Variants in ACOX2 observed in about 807,000 individuals in gnomAD.
ACOX2 encodes peroxisomal acyl-coenzyme A oxidase 2.
ACOX2 carries 59 observed loss-of-function variants against 77.5 expected under a neutral mutation model. The observed-to-expected ratio is 0.76, with a 90% CI of 0.62 to 0.95. The LOEUF (loss-of-function observed/expected upper bound fraction) is 0.95, where lower values mean the gene tolerates loss of function less well. ACOX2 is among the 40% of genes least tolerant of loss of function. The pLI is 0.00. For missense variants in ACOX2, 837 were observed against 880.4 expected (o/e 0.95, Z 0.62); for synonymous variants, 317 against 340.1 (o/e 0.93, Z 0.75).
chr3:58,510,768 C>A (rs1379798692), intron 13 of ACOX2, among the ~76,000 whole-genome samples: 2 of 130,968 alleles, frequency 1.5e-5, no homozygotes, highest in Non-Finnish European at 3.1e-5. Context: ...CTTTGTCATA[C>A]CTGTTTAGCA....
rs761214877 is a variant in ACOX2, at chr3:58,534,410, A to G, written c.273T>C (p.Ala91=). The G allele has an allele frequency of 1.9e-6, 3 of 1,614,128 alleles. No individual in the cohort carries two copies. In the South Asian group the frequency reaches 3.3e-5, roughly 18 times the overall value. ...MRRAFHIRLI[A]RRLGWLEDGR... ...CATCTTCTAACCAACCCAGGCGCCGAGCTATCAACCGGATGTGGAATGCCC... is the reference window on the plus strand; with the variant it reads ...CATCTTCTAACCAACCCAGGCGCCGGGCTATCAACCGGATGTGGAATGCCC... The change falls in exon 3 of 15, where the codon GCT becomes GCC. Residue 91 remains alanine, a synonymous_variant. Transcript: ENST00000302819. The surrounding 1 kb of genome is among the most constrained non-coding windows in gnomAD (Gnocchi z 4.8).
rs1011229604 is a variant in ACOX2, at chr3:58,524,338, C to T, written c.1526+88G>A. The T allele has an allele frequency of 1.0e-5, 15 of 1,506,474 alleles. No homozygotes were observed. Among genetic ancestry groups the T allele is most frequent in the Middle Eastern group, 2.3e-4 (1 of 4,340 alleles). 93.3% of individuals were successfully genotyped at this position (1,506,474 alleles called of 1,614,324 possible). A position where few individuals can be genotyped will look rare whatever the true frequency, so the allele number is the denominator to read the frequency against. ...GGGGTGGTTTTTAGAACTGAATCCACGAATGTCCACCCAACCAATCCAAAG... is the reference window on the plus strand; with the variant it reads ...GGGGTGGTTTTTAGAACTGAATCCATGAATGTCCACCCAACCAATCCAAAG... On this transcript the variant is annotated intron_variant, in intron 11 of 14. Coordinates refer to ENST00000302819, the MANE Select transcript of ACOX2 (RefSeq NM_003500.4). The surrounding 1 kb of genome is among the most constrained non-coding windows in gnomAD (Gnocchi z 5.5).
chr3:58,533,803 C>T lies in ACOX2; in HGVS notation c.475+191G>A. The T allele has an allele frequency of 1.3e-6, 1 of 759,564 alleles. No individual in the cohort carries two copies. Among genetic ancestry groups the T allele is most frequent in the Admixed American group, 2.9e-5 (1 of 34,452 alleles). 47.1% of individuals were successfully genotyped at this position (759,564 alleles called of 1,614,324 possible). A position where few individuals can be genotyped will look rare whatever the true frequency, so the allele number is the denominator to read the frequency against. ...AAGGAATGACTTGCCCCACTGGGAG[C>T]TCATACAATACGTGCAAATTAGAAG... On this transcript the variant is annotated intron_variant, in intron 4 of 14. Coordinates refer to ENST00000302819, the MANE Select transcript of ACOX2 (RefSeq NM_003500.4). This position sits in a 1 kb window ranked among gnomAD's most constrained non-coding sequence, Gnocchi z 5.6.
chr3:58,513,613 C>T (rs1326643187), intron 13 of ACOX2, among the ~76,000 whole-genome samples: 3 of 150,808 alleles, frequency 2.0e-5, no homozygotes, highest in African/African-American at 4.9e-5. Context: ...AATACCGTCT[C>T]TTAACTCTGA....
intron 13 of ACOX2, among the ~76,000 whole-genome samples, chr3:58,516,496 T>C (rs2063322756): frequency 6.6e-6 from 1 of 152,148 alleles, no homozygotes; most frequent in African/African-American, 2.4e-5. Context: ...TTAAATGAGA[T>C]GTATGTAAAA....
In ACOX2 at chr3:58,515,172, C is replaced by A. The variant is rs1292153947; in HGVS notation, c.1850+2034G>T. 6.6e-6 allele frequency among the ~76,000 whole-genome samples: 1 copy of A among 152,182 alleles called. No individual in the cohort carries two copies. The highest frequency in any genetic ancestry group is 2.1e-4 in the South Asian group (1 of 4,826). On this transcript the variant is annotated intron_variant, in intron 13 of 14. Coordinates refer to ENST00000302819, the MANE Select transcript of ACOX2 (RefSeq NM_003500.4). The surrounding 1 kb of genome is among the most constrained non-coding windows in gnomAD (Gnocchi z 4.0). ...AGTAACTGGGATTACAGGCATGTGCCATCACACCCAGCTAATTTTTGTATT... is the reference window on the plus strand; with the variant it reads ...AGTAACTGGGATTACAGGCATGTGCAATCACACCCAGCTAATTTTTGTATT...
chr3:58,524,312 TG>T lies in ACOX2; in HGVS notation c.1526+113del, dbSNP rs1285612773. The T allele has an allele frequency of 7.5e-7, 1 of 1,324,538 alleles. No homozygotes were observed. Among genetic ancestry groups the T allele is most frequent in the African/African-American group, 1.5e-5 (1 of 68,546 alleles). 82.0% of individuals were successfully genotyped at this position (1,324,538 alleles called of 1,614,324 possible). A position where few individuals can be genotyped will look rare whatever the true frequency, so the allele number is the denominator to read the frequency against. ...CTGAGAGGACCGGGGAGGCTAGGCATGGGGTGGTTTTTAGAACTGAATCCAC... is the reference window on the plus strand; with the variant it reads ...CTGAGAGGACCGGGGAGGCTAGGCATGGGTGGTTTTTAGAACTGAATCCAC... On this transcript the variant is annotated intron_variant, in intron 11 of 14. Coordinates refer to ENST00000302819, the MANE Select transcript of ACOX2 (RefSeq NM_003500.4). This position sits in a 1 kb window ranked among gnomAD's most constrained non-coding sequence, Gnocchi z 5.5.
chr3:58,517,131 G>A, intron 13 of ACOX2, 75 bp downstream of exon 13: 1 of 1,530,480 alleles, frequency 6.5e-7, no homozygotes. Flanking sequence ...AGGTTTTGGA[G>A]TTGGAAGTGA....
In ACOX2 at chr3:58,531,135, G is replaced by A; in HGVS notation, c.819+116C>T. ...CTGTGGGATATCAGAGCCTCTCTTG[G>A]GGGAGGAGGTTATGTGGCCCAAACT... On this transcript the variant is annotated intron_variant, in intron 7 of 14. Transcript: ENST00000302819. The surrounding 1 kb of genome is among the most constrained non-coding windows in gnomAD (Gnocchi z 5.8). 1 of 840,148 alleles carries A rather than the reference G, an allele frequency of 1.2e-6. No individual in the cohort carries two copies. Among genetic ancestry groups the A allele is most frequent in the Non-Finnish European group, 1.9e-6 (1 of 536,170 alleles). 52.0% of individuals were successfully genotyped at this position (840,148 alleles called of 1,614,324 possible).
chr3:58,531,104 C>T lies in ACOX2; in HGVS notation c.819+147G>A. The T allele has an allele frequency of 4.3e-6, 3 of 690,346 alleles. No homozygotes were observed. Among genetic ancestry groups the T allele is most frequent in the Non-Finnish European group, 7.4e-6 (3 of 407,046 alleles). The allele number at this position is 690,346 out of a possible 1,614,324, so 42.8% of individuals were successfully genotyped here. ...TACTGCTCCTAAGCAGGGGTTTCAC[C>T]CCAATCTGTGGGATATCAGAGCCTC... On this transcript the variant is annotated intron_variant, in intron 7 of 14. Coordinates refer to ENST00000302819, the MANE Select transcript of ACOX2 (RefSeq NM_003500.4). The surrounding 1 kb of genome is among the most constrained non-coding windows in gnomAD (Gnocchi z 5.8).
Position 58,509,044 on chromosome 3 carries a change from GT to G in ACOX2, c.1851-20del, listed in dbSNP as rs1560208832. 1 of 1,613,428 alleles carries G rather than the reference GT, an allele frequency of 6.2e-7. No homozygotes were observed. The highest frequency in any genetic ancestry group is 8.5e-7 in the Non-Finnish European group (1 of 1,179,426). On this transcript the variant is annotated intron_variant, in intron 13 of 14. Coordinates refer to ENST00000302819, the MANE Select transcript of ACOX2 (RefSeq NM_003500.4). ...ATCCTTCCTGGGATAGGAAACAAGA[GT>G]TTGTAAGTATTTTAGATTGCTCTTA...
chr3:58,535,000 A>G lies in ACOX2; in HGVS notation c.107T>C (p.Leu36Pro), dbSNP rs2063470780. The change falls in exon 2 of 15, where the codon CTC (leucine) becomes CCC (proline). Residue 36 changes from leucine to proline, a missense_variant. Transcript: ENST00000302819. This position sits in a 1 kb window ranked among gnomAD's most constrained non-coding sequence, Gnocchi z 4.8. ...GGCACCTCCATCAAGGATGTTGGTG[A>G]GCCGTTCCACGTCAAAGGACTGCAT... ...RYMQSFDVER[L>P]TNILDGGAQN... The G allele has an allele frequency of 6.2e-7, 1 of 1,614,082 alleles. No individual in the cohort carries two copies. The highest frequency in any genetic ancestry group is 8.5e-7 in the Non-Finnish European group (1 of 1,180,032).
intron 1 of ACOX2, among the ~76,000 whole-genome samples, chr3:58,536,605 C>G (rs972581483): frequency 6.6e-6 from 1 of 152,186 alleles, no homozygotes; most frequent in African/African-American, 2.4e-5. Flanking sequence ...TGCCTTACCT[C>G]TTTTCCTTGC....
chr3:58,519,799 G>C lies in ACOX2; in HGVS notation c.1633-2376C>G, dbSNP rs1293397799. Among the ~76,000 whole-genome samples the C allele has an allele frequency of 6.6e-6, 1 of 152,256 alleles. No individual in the cohort carries two copies. The highest frequency in any genetic ancestry group is 1.5e-5 in the Non-Finnish European group (1 of 68,042). On this transcript the variant is annotated intron_variant, in intron 12 of 14. Transcript: ENST00000302819. This position sits in a 1 kb window ranked among gnomAD's most constrained non-coding sequence, Gnocchi z 5.0. The stretch of plus-strand genomic sequence containing the variant: ...GCTGGGCTTGCAGCATTTGGCTGTG[G>C]AAGGTGAGCAGATGTGCTGTGTTGC...
At chr3:58,529,047 A>G (rs2063417766) in intron 8 of ACOX2, 91 bp from the exon 9 acceptor site, 26 of 1,376,276 alleles carry the variant, frequency 1.9e-5, no homozygotes, top group Non-Finnish European at 2.3e-5. Context: ...AAAAACAGAC[A>G]GTTCCTTAGA....
At position 58,526,807 on chromosome 3, in the gene ACOX2, G is replaced by A; in HGVS notation, c.1156-151C>T. On this transcript the variant is annotated intron_variant, in intron 9 of 14. Coordinates refer to ENST00000302819, the MANE Select transcript of ACOX2 (RefSeq NM_003500.4). This position sits in a 1 kb window ranked among gnomAD's most constrained non-coding sequence, Gnocchi z 4.3. ...TGCTCACAACTTTATGAATGAGAAG[G>A]CGGGTACTCAGCTTATGTGACTCAC... is the stretch of plus-strand genomic sequence containing the variant. The A allele has an allele frequency of 1.2e-6, 1 of 828,686 alleles. No homozygotes were observed. The highest frequency in any genetic ancestry group is 1.8e-5 in the South Asian group (1 of 55,052). 51.3% of individuals were successfully genotyped at this position (828,686 alleles called of 1,614,324 possible).
chr3:58,507,258 A>G (rs1426911476), intron 14 of ACOX2, among the ~76,000 whole-genome samples: 1 of 152,192 alleles, frequency 6.6e-6, no homozygotes, highest in Non-Finnish European at 1.5e-5. Flanking sequence ...ACTCTGTGAT[A>G]GATCTTGGAG....
chr3:58,526,549 A>T lies in ACOX2; in HGVS notation c.1263T>A (p.Ser421Arg). The T allele has an allele frequency of 6.2e-7, 1 of 1,614,164 alleles. No homozygotes were observed. Among genetic ancestry groups the T allele is most frequent in the Non-Finnish European group, 8.5e-7 (1 of 1,180,024 alleles). The change falls in exon 10 of 15, where the codon AGT (serine) becomes AGA (arginine). Residue 421 changes from serine to arginine, a missense_variant. Transcript: ENST00000302819. The surrounding 1 kb of genome is among the most constrained non-coding windows in gnomAD (Gnocchi z 4.3). ...ATTTGGTGACCAGTGATGGCAGGCC[A>T]CTCAGCTTTGAGTAGCCATGTCCGC... Reference protein sequence around the residue: ...ACGGHGYSKLSGLPSLVTKLS... With the variant: ...ACGGHGYSKLRGLPSLVTKLS...
chr3:58,509,630 T>TGGG (rs1480043871), intron 13 of ACOX2, among the ~76,000 whole-genome samples: 2 of 125,694 alleles, frequency 1.6e-5, no homozygotes, highest in Admixed American at 1.6e-4. Context: ...TTTTTTTTGA[T>TGGG]ACAGAGTCTC....
Sources: gnomAD v4.1 joint callset for allele counts (sites outside exome capture counted in the v4.1 genomes callset) on GRCh38, gnomAD v4.1.1 for gene constraint, Gnocchi (gnomAD v3.1) non-coding constraint, MANE v1.5 for transcripts, NCBI Gene and HGNC (gene_info 2026-07-23, HGNC 2026-07-21) for gene names.